Variants in HMG20A observed in about 807,000 individuals in gnomAD.
The protein encoded by HMG20A is high mobility group 20A.
In HMG20A, 17 loss-of-function variants were observed where a neutral mutation model predicts 43.9. The observed-to-expected ratio is 0.39, with a 90% CI of 0.27 to 0.58. The LOEUF (loss-of-function observed/expected upper bound fraction) is 0.58. Among genes scored for constraint, HMG20A ranks in the 20% least tolerant of loss-of-function variants. The pLI is 0.59. For missense variants in HMG20A, 341 were observed against 438.2 expected (o/e 0.78, Z 1.98); for synonymous variants, 132 against 147.5 (o/e 0.89, Z 0.76).
At chr15:77,506,469 A>G in the HMG20A span, among the ~76,000 whole-genome samples, 1 of 152,160 alleles carries the variant, frequency 6.6e-6, no homozygotes, top group Non-Finnish European at 1.5e-5. Context: ...CTGCACCAAG[A>G]CAGACCTGGA....
chr15:77,426,393 A>G (rs956265868), intron 1 of HMG20A, among the ~76,000 whole-genome samples: 3 of 152,220 alleles, frequency 2.0e-5, no homozygotes, highest in East Asian at 1.9e-4. Context: ...TGTTACATGT[A>G]CTATGTACTG....
chr15:77,494,934 A>G, the HMG20A span, among the ~76,000 whole-genome samples: 1 of 152,250 alleles, frequency 6.6e-6, no homozygotes, highest in Non-Finnish European at 1.5e-5. Flanking sequence ...CTATTAAAGC[A>G]GCAAAGACTT....
chr15:77,478,886 G>T (rs1248070791), intron 8 of HMG20A, among the ~76,000 whole-genome samples: 2 of 152,170 alleles, frequency 1.3e-5, no homozygotes, highest in African/African-American at 4.8e-5. Context: ...ATGAACACTG[G>T]TATTTCTTAT....
At chr15:77,509,885 G>A in the HMG20A span, among the ~76,000 whole-genome samples, 1 of 146,480 alleles carries the variant, frequency 6.8e-6, no homozygotes, top group Non-Finnish European at 1.5e-5. Flanking sequence ...CCAGCCTGGC[G>A]ACAGAGCAAG....
At chr15:77,429,632 A>G (rs1330849189) in intron 1 of HMG20A, among the ~76,000 whole-genome samples, 1 of 152,230 alleles carries the variant, frequency 6.6e-6, no homozygotes, top group Admixed American at 6.5e-5. Context: ...ACTTTAAATA[A>G]GAAAAATAGT....
chr15:77,486,324 G>A (rs978968784), downstream of HMG20A, among the ~76,000 whole-genome samples: 3 of 146,908 alleles, frequency 2.0e-5, no homozygotes, highest in South Asian at 6.5e-4. Flanking sequence ...GCAGTGGCAC[G>A]ATCTCCGCTC....
the HMG20A span, among the ~76,000 whole-genome samples, chr15:77,517,339 G>A: frequency 6.6e-6 from 1 of 152,150 alleles, no homozygotes; most frequent in Non-Finnish European, 1.5e-5. Flanking sequence ...GCCCAGCACA[G>A]AGCAAGTCCC....
rs560876995 is a variant in HMG20A, at chr15:77,478,116, T to G, written c.692-179T>G. Reference sequence around the variant, plus strand: ...CTAGCTTTAAGAATTAAAATAGCTCTGGGGAGTCAGGCGTTTCATTGCTGA... The same window carrying G: ...CTAGCTTTAAGAATTAAAATAGCTCGGGGGAGTCAGGCGTTTCATTGCTGA... On this transcript the variant is annotated intron_variant, in intron 7 of 9. Coordinates refer to ENST00000336216, the MANE Select transcript of HMG20A (RefSeq NM_001304504.2). 8.1e-6 allele frequency: 5 copies of G among 613,996 alleles called. No individual in the cohort carries two copies. In the East Asian group the frequency reaches 1.4e-4, roughly 17 times the overall value. The allele number at this position is 613,996 out of a possible 1,614,324, so 38.0% of individuals were successfully genotyped here.
chr15:77,496,931 T>C, the HMG20A span, among the ~76,000 whole-genome samples: 1 of 152,248 alleles, frequency 6.6e-6, no homozygotes, highest in Non-Finnish European at 1.5e-5. Context: ...AAGAGAGTGA[T>C]AGAGCCCATT....
intron 4 of HMG20A, among the ~76,000 whole-genome samples, chr15:77,467,708 G>C (rs1242726235): frequency 6.6e-6 from 1 of 152,160 alleles, no homozygotes; most frequent in Non-Finnish European, 1.5e-5. Flanking sequence ...AAGAAAAAAT[G>C]TTACTGCTTT....
At chr15:77,499,139 T>C in the HMG20A span, among the ~76,000 whole-genome samples, 1 of 152,228 alleles carries the variant, frequency 6.6e-6, no homozygotes, top group Admixed American at 6.5e-5. Context: ...TCTACCATTC[T>C]GTGGGAACTG....
At chr15:77,493,598 GC>G in the HMG20A span, among the ~76,000 whole-genome samples, 4 of 152,220 alleles carry the variant, frequency 2.6e-5, no homozygotes, top group Admixed American at 1.3e-4. Flanking sequence ...GAAATAGGGA[GC>G]TAAATTGTGG....
the HMG20A span, among the ~76,000 whole-genome samples, chr15:77,509,555 CGTGTGTGTGTGTGTGTGTGTGTGT>C: frequency 6.1e-5 from 7 of 115,470 alleles, no homozygotes; most frequent in African/African-American, 1.0e-4. Context: ...TGTGCCCAGC[CGTGTGTGTGTGTGTGTGTGTGTGT>C]GTGTGTGTGT....
the HMG20A span, among the ~76,000 whole-genome samples, chr15:77,516,771 C>T: frequency 7.2e-5 from 11 of 152,164 alleles, no homozygotes; most frequent in South Asian, 6.2e-4. Flanking sequence ...GTGGGCATTC[C>T]GGGAAAAGGG....
intron 2 of HMG20A, among the ~76,000 whole-genome samples, chr15:77,461,945 A>G (rs919364686): frequency 6.6e-6 from 1 of 152,214 alleles, no homozygotes; most frequent in Admixed American, 6.5e-5. Flanking sequence ...TTTCAGAGAA[A>G]ATGATTGGCA....
At chr15:77,460,188 A>G (rs978202287) in intron 2 of HMG20A, among the ~76,000 whole-genome samples, 1 of 152,204 alleles carries the variant, frequency 6.6e-6, no homozygotes. Context: ...TTTTGGTGGA[A>G]TAGTGGGGGT....
the HMG20A span, among the ~76,000 whole-genome samples, chr15:77,512,546 C>T: frequency 1 from 152,303 of 152,324 alleles, 76,141 homozygotes; most frequent in Middle Eastern, 1. Context: ...TTAATATTAA[C>T]ACAAGTAAGT....
Position 77,470,868 on chromosome 15 carries a change from G to A in HMG20A, c.451-42G>A, listed in dbSNP as rs1246955938. 4.0e-6 allele frequency: 6 copies of A among 1,497,176 alleles called. No individual in the cohort carries two copies. The South Asian group carries it at 5.4e-5, about 13-fold the overall frequency. 92.7% of individuals were successfully genotyped at this position (1,497,176 alleles called of 1,614,324 possible). Reference sequence around the variant, plus strand: ...TAGGTAATTTAATTTTATTTAAATAGGATCTCATTTTCTTGAAAATAATTC... The same window carrying A: ...TAGGTAATTTAATTTTATTTAAATAAGATCTCATTTTCTTGAAAATAATTC... On this transcript the variant is annotated intron_variant, in intron 4 of 9. Transcript: ENST00000336216.
the HMG20A span, among the ~76,000 whole-genome samples, chr15:77,503,544 G>A: frequency 7.2e-5 from 11 of 152,252 alleles, no homozygotes; most frequent in South Asian, 1.2e-3. Flanking sequence ...GCTCTCTGAT[G>A]CTTATTCCTT....
Sources: allele counts gnomAD v4.1 joint callset (sites outside exome capture counted in the v4.1 genomes callset), GRCh38; gene constraint gnomAD v4.1.1; transcripts MANE v1.5; gene names NCBI Gene and HGNC (gene_info 2026-07-23, HGNC 2026-07-21).